The following CDKL3 variants were observed in gnomAD, a reference collection of about 807,000 sequenced individuals.
CDKL3 encodes the protein cyclin dependent kinase like 3.
Under a neutral mutation model 69.3 loss-of-function variants are expected in CDKL3, and 65 were observed. The ratio of observed to expected loss-of-function variants is 0.94; its 90% CI spans 0.77 to 1.15. CDKL3 has a LOEUF of 1.15. Ranked by LOEUF, CDKL3 falls within the 50% of genes most tolerant of loss-of-function variation. The probability of loss-of-function intolerance (pLI) is 0.00; values close to 1 mark genes in which losing one functional copy is unlikely to be tolerated. For missense variants in CDKL3, 652 were observed against 689.2 expected, an observed-to-expected ratio of 0.95 and a Z score of 0.61; for synonymous variants, 202 against 221.6, an observed-to-expected ratio of 0.91 and a Z score of 0.79.
rs1752998356 is a variant in CDKL3 at position 134,350,569 on chromosome 5, C to A, written c.361-142G>T. 6 of 615,282 alleles carry A rather than the reference C, an allele frequency of 9.8e-6. No homozygotes were observed. In the East Asian group the frequency reaches 1.7e-4, roughly 17 times the overall value. 38.1% of individuals were successfully genotyped at this position (615,282 alleles called of 1,614,324 possible). ...CATGCAAAGGATTAATTACACAATG[C>A]AAATATAGTTATATGTTTTCAATTC... On this transcript the variant is annotated intron_variant, in intron 3 of 12. Coordinates refer to ENST00000265334, the MANE Select transcript of CDKL3 (RefSeq NM_001113575.2).
intron 3 of CDKL3, among the ~76,000 whole-genome samples, chr5:134,351,836 A>AT (rs1753379928): frequency 6.6e-6 from 1 of 152,210 alleles, no homozygotes; most frequent in African/African-American, 2.4e-5. Context: ...GTTTTAAAAT[A>AT]TGTATACATT....
intron 3 of CDKL3, 81 bp from the exon 4 acceptor site, chr5:134,350,508 C>G: frequency 1.1e-6 from 1 of 950,302 alleles, no homozygotes; most frequent in Non-Finnish European, 1.6e-6. Context: ...CTGAGAAAAT[C>G]TAGCTAATTA....
chr5:134,300,276 T>A (rs1236046820), intron 12 of CDKL3, among the ~76,000 whole-genome samples: 1 of 151,944 alleles, frequency 6.6e-6, no homozygotes, highest in African/African-American at 2.4e-5. Context: ...GAGGTGGAGG[T>A]TGCAGTGAGC....
intron 4 of CDKL3, among the ~76,000 whole-genome samples, chr5:134,346,032 G>A (rs1255179267): frequency 6.6e-6 from 1 of 152,100 alleles, no homozygotes; most frequent in Non-Finnish European, 1.5e-5. Flanking sequence ...TCTCCCCCAA[G>A]GTGTATCACA....
At position 134,317,619 on chromosome 5, in the gene CDKL3, A is replaced by G. The variant is rs905499490; in HGVS notation, c.792+1739T>C. Among the ~76,000 whole-genome samples, 3 of 151,804 alleles carry G rather than the reference A, an allele frequency of 2.0e-5. No individual in the cohort carries two copies. In the South Asian group the frequency reaches 6.2e-4, roughly 32 times the overall value. ...AGCCTGGGCAACAGGATGAGACTGT[A>G]AAAAATAATTAATTTTTTTAAACAG... is the stretch of plus-strand genomic sequence containing the variant. On this transcript the variant is annotated intron_variant, in intron 6 of 12. Transcript: ENST00000265334.
chr5:134,349,777 G>A (rs1393152264), intron 4 of CDKL3, among the ~76,000 whole-genome samples: 1 of 152,120 alleles, frequency 6.6e-6, no homozygotes, highest in Non-Finnish European at 1.5e-5. Context: ...GTACCTAAAG[G>A]ATCTGTTATG....
At chr5:134,371,402 T>TGGTAGCGGCGGAGGGCGGAGGGATCC, upstream of CDKL3, 4 of 725,406 alleles carry the variant, frequency 5.5e-6, no homozygotes, top group Non-Finnish European at 8.9e-6. Flanking sequence ...ACTCACACTG[T>TGGTAGCGGCGGAGGGCGGAGGGATCC]GGTAGCGGCG....
intron 12 of CDKL3, among the ~76,000 whole-genome samples, chr5:134,301,809 C>G (rs1448058654): frequency 2.0e-5 from 3 of 152,074 alleles, no homozygotes; most frequent in Non-Finnish European, 4.4e-5. Flanking sequence ...ATTGCTTGAA[C>G]CCGGGAGGCA....
chr5:134,362,795 C>T (rs1285358190), intron 2 of CDKL3, among the ~76,000 whole-genome samples: 3 of 150,978 alleles, frequency 2.0e-5, no homozygotes, highest in East Asian at 4.0e-4. Context: ...TGGGCGTGGT[C>T]GTACGTGCCT....
At chr5:134,358,752 G>T (rs1755254381) in intron 3 of CDKL3, among the ~76,000 whole-genome samples, 1 of 152,034 alleles carries the variant, frequency 6.6e-6, no homozygotes, top group South Asian at 2.1e-4. Flanking sequence ...GTACAGGATT[G>T]TGCACGATGC....
chr5:134,304,681 A>C (rs1767266372), intron 10 of CDKL3, 114 bp from the exon 11 acceptor site: 1 of 721,394 alleles, frequency 1.4e-6, no homozygotes, highest in South Asian at 2.7e-5. Context: ...AATTAATTTA[A>C]TAATTAAGAA....
chr5:134,291,837 A>G (rs960303651), intron 8 of CDKL3, among the ~76,000 whole-genome samples: 1 of 152,170 alleles, frequency 6.6e-6, no homozygotes, highest in African/African-American at 2.4e-5. Context: ...AGTAACACGT[A>G]TCAGCTTTAC....
At chr5:134,357,687 A>G (rs1338912466) in intron 3 of CDKL3, among the ~76,000 whole-genome samples, 1 of 151,864 alleles carries the variant, frequency 6.6e-6, no homozygotes, top group Non-Finnish European at 1.5e-5. Context: ...TCCCTCTCAT[A>G]TCTAATTACT....
At chr5:134,294,554 G>A (rs943310535), downstream of CDKL3, among the ~76,000 whole-genome samples, 5 of 151,956 alleles carry the variant, frequency 3.3e-5, no homozygotes, top group African/African-American at 7.3e-5. Flanking sequence ...AAGAAGAAGC[G>A]AAACTATTAT....
chr5:134,328,457 A>G (rs1292562188), intron 4 of CDKL3, among the ~76,000 whole-genome samples: 1 of 152,202 alleles, frequency 6.6e-6, no homozygotes, highest in African/African-American at 2.4e-5. Context: ...ATAATTCATG[A>G]ACTTGAAGAC....
chr5:134,370,901 G>A (rs888248800), upstream of CDKL3: 1 of 152,704 alleles, frequency 6.5e-6, no homozygotes, highest in Admixed American at 6.5e-5. Flanking sequence ...ATTCTGCCAT[G>A]ACCTCTTGGG....
In CDKL3 at chr5:134,360,094, A is replaced by T; in HGVS notation, c.166-3T>A. 1 of 1,524,860 alleles carries T rather than the reference A, an allele frequency of 6.6e-7. No homozygotes were observed. The highest frequency in any genetic ancestry group is 8.8e-7 in the Non-Finnish European group (1 of 1,137,504). 94.5% of individuals were successfully genotyped at this position (1,524,860 alleles called of 1,614,324 possible). ...ACCAGGTTTTCGTGATGAAATTGCT[A>T]TTGACAAAAGAAACAACACAAATTT... On this transcript the variant is annotated splice_region_variant and splice_polypyrimidine_tract_variant and intron_variant, in intron 2 of 12. Coordinates refer to ENST00000265334, the MANE Select transcript of CDKL3 (RefSeq NM_001113575.2).
At chr5:134,284,186 C>T (rs993276411), downstream of CDKL3, among the ~76,000 whole-genome samples, 8 of 152,230 alleles carry the variant, frequency 5.3e-5, no homozygotes, top group East Asian at 3.9e-4. Flanking sequence ...AATATTTCAA[C>T]GTAGGTTCTT....
chr5:134,354,511 C>T (rs1185225576), intron 3 of CDKL3, among the ~76,000 whole-genome samples: 1 of 152,132 alleles, frequency 6.6e-6, no homozygotes, highest in Admixed American at 6.6e-5. Flanking sequence ...CTAATTGAGC[C>T]ACTTTAAAGT....
Sources: gnomAD v4.1 joint callset for allele counts (sites outside exome capture counted in the v4.1 genomes callset) on GRCh38, gnomAD v4.1.1 for gene constraint, MANE v1.5 for transcripts, NCBI Gene and HGNC (gene_info 2026-07-23, HGNC 2026-07-21) for gene names.